Variants in ACP2 observed in about 807,000 individuals in gnomAD.
ACP2 encodes acid phosphatase 2, lysosomal, also known as lysosomal acid phosphatase.
ACP2 carries 35 observed loss-of-function variants against 54.7 expected under a neutral mutation model. That is an observed-to-expected ratio of 0.64 (90% CI 0.49 to 0.85). The LOEUF (loss-of-function observed/expected upper bound fraction) is 0.85. Ranked by LOEUF, ACP2 falls within the 40% of genes least tolerant of loss-of-function variation. The pLI is 0.00. For synonymous variants in ACP2, 210 were observed against 224.4 expected, an observed-to-expected ratio of 0.94 and a Z score of 0.57; for missense variants, 492 against 565.0, an observed-to-expected ratio of 0.87 and a Z score of 1.31.
At chr11:47,246,859 C>A (rs556421861) in intron 3 of ACP2, among the ~76,000 whole-genome samples, 8 of 151,892 alleles carry the variant, frequency 5.3e-5, no homozygotes, top group Non-Finnish European at 7.4e-5. Flanking sequence ...CTGAGCAACA[C>A]AGCAAGACTC....
intron 3 of ACP2, among the ~76,000 whole-genome samples, chr11:47,247,118 A>G (rs1954153137): frequency 6.6e-6 from 1 of 152,148 alleles, no homozygotes; most frequent in Non-Finnish European, 1.5e-5. Context: ...GATGTGCCCT[A>G]GGAATATAGC....
rs751573655 is a variant in ACP2, at chr11:47,240,065, G to C, written c.*51C>G. 6.4e-7 allele frequency: 1 copy of C among 1,573,524 alleles called. No individual in the cohort carries two copies. ...GGGGAGCAGCAACAGTCAGGAGCGA[G>C]GGCCCAGCCCACCTCCCCTAGGAGG... On this transcript the variant is annotated 3_prime_UTR_variant, in exon 11 of 11. Coordinates refer to ENST00000672073, the MANE Select transcript of ACP2 (RefSeq NM_001610.4).
chr11:47,244,921 G>C, intron 6 of ACP2, 54 bp from the exon 7 acceptor site: 1 of 1,527,830 alleles, frequency 6.5e-7, no homozygotes. Context: ...GCCTCTCCAG[G>C]GGGCAGCTCT....
chr11:47,244,730 C>A lies in ACP2; in HGVS notation c.772+5G>T. ...GTAGAGTGACACGCTGTCCTTGTCA[C>A]TCACCCCCCTGAAGCCGGGCCTTCT... On this transcript the variant is annotated splice_donor_5th_base_variant and intron_variant, in intron 7 of 10. Transcript: ENST00000672073. 6.3e-7 allele frequency: 1 copy of A among 1,599,080 alleles called. No homozygotes were observed. The highest frequency in any genetic ancestry group is 8.5e-7 in the Non-Finnish European group (1 of 1,170,292).
intron 2 of ACP2, 105 bp downstream of exon 2, chr11:47,247,933 C>G (rs558284880): frequency 3.2e-4 from 341 of 1,066,384 alleles, no homozygotes; most frequent in Admixed American, 9.8e-4. Context: ...AAAGTCAGCA[C>G]CCATATGGGA....
chr11:47,245,859 T>A, intron 3 of ACP2, 25 bp from the exon 4 acceptor site: 1 of 532,944 alleles, frequency 1.9e-6, no homozygotes, highest in South Asian at 2.9e-5. Flanking sequence ...ACACAAGTCG[T>A]GTGTGTGTGT....
At chr11:47,246,296 CTGG>C in intron 3 of ACP2, among the ~76,000 whole-genome samples, 1 of 152,190 alleles carries the variant, frequency 6.6e-6, no homozygotes, top group Non-Finnish European at 1.5e-5. Flanking sequence ...AGATAAAGGG[CTGG>C]GCCTGGTGGC....
chr11:47,248,427 C>T, intron 1 of ACP2: 1 of 1,537,386 alleles, frequency 6.5e-7, no homozygotes, highest in Non-Finnish European at 8.7e-7. Flanking sequence ...TAACCAAAGG[C>T]TTCTTTAGGG....
chr11:47,246,821 A>C (rs1186373500), intron 3 of ACP2, among the ~76,000 whole-genome samples: 1 of 152,126 alleles, frequency 6.6e-6, no homozygotes, highest in African/African-American at 2.4e-5. Flanking sequence ...GGTTGCAGTG[A>C]GCCAAGACCA....
intron 7 of ACP2, 146 bp from the exon 8 acceptor site, chr11:47,243,467 A>C: frequency 1.6e-6 from 1 of 629,336 alleles, no homozygotes; most frequent in Non-Finnish European, 2.8e-6. Context: ...CCATGTAAGA[A>C]CTCTGTGGCA....
At chr11:47,242,029 G>A (rs960612927) in intron 10 of ACP2, among the ~76,000 whole-genome samples, 94 of 152,308 alleles carry the variant, frequency 6.2e-4, no homozygotes, top group Non-Finnish European at 5.9e-4. Context: ...AAGCTCCAGG[G>A]ATGAGTCCTG....
Position 47,245,460 on chromosome 11 carries a change from C to T in ACP2, c.549+14G>A, listed in dbSNP as rs1304293535. 2 of 1,614,260 alleles carry T rather than the reference C, an allele frequency of 1.2e-6. No homozygotes were observed. The highest frequency in any genetic ancestry group is 1.1e-5 in the South Asian group (1 of 91,088). On this transcript the variant is annotated intron_variant, in intron 5 of 10. Transcript: ENST00000672073. ...AAAGACAGCGTGGTGAGCTGCACCT[C>T]TGCCCCCACTCACTGCATTCCGAGA...
In ACP2 at chr11:47,245,754, C is replaced by A. The variant is rs1448960454; in HGVS notation, c.378G>T (p.Gly126=). 2 of 1,613,374 alleles carry A rather than the reference C, an allele frequency of 1.2e-6. No homozygotes were observed. The highest frequency in any genetic ancestry group is 4.5e-5 in the East Asian group (2 of 44,882). The change falls in exon 4 of 11, where the codon GGG becomes GGT. Residue 126 remains glycine (G), a synonymous_variant. Transcript: ENST00000672073. ...AGATGTTCGGGTTGAAGCGCTGCAT[C>A]CCGTTGGGAGGGAAGAGTCCAGCCA... is the stretch of plus-strand genomic sequence containing the variant. ...ANLAGLFPPN[G]MQRFNPNISW...
At chr11:47,246,531 G>C (rs963056218) in intron 3 of ACP2, among the ~76,000 whole-genome samples, 1 of 151,990 alleles carries the variant, frequency 6.6e-6, no homozygotes, top group African/African-American at 2.4e-5. Context: ...AGCTATGACT[G>C]AGGCATGTGC....
At chr11:47,244,605 A>T (rs1181365649) in intron 7 of ACP2, 130 bp downstream of exon 7, 3 of 611,040 alleles carry the variant, frequency 4.9e-6, no homozygotes, top group Non-Finnish European at 7.9e-6. Context: ...CGGCATGAGG[A>T]GGGGGATTTG....
Position 47,243,337 on chromosome 11 carries a change from C to T in ACP2, c.773-16G>A, listed in dbSNP as rs202217185. ...AGCAGGACTCCTGAAGGAGAAAAGT[C>T]CCCGGTGTTGCTGGCTACAGCCACC... On this transcript the variant is annotated splice_polypyrimidine_tract_variant and intron_variant, in intron 7 of 10. Coordinates refer to ENST00000672073, the MANE Select transcript of ACP2 (RefSeq NM_001610.4). 398 of 1,612,070 alleles carry T rather than the reference C, an allele frequency of 2.5e-4. 1 individual carries two copies. The highest frequency in any genetic ancestry group is 3.2e-4 in the Admixed American group (19 of 59,968).
intron 2 of ACP2, 89 bp downstream of exon 2, chr11:47,247,949 C>T (rs1954263157): frequency 8.5e-7 from 1 of 1,181,396 alleles, no homozygotes; most frequent in Non-Finnish European, 1.2e-6. Context: ...TGGGAAAAGG[C>T]AGTTTAGTAG....
At chr11:47,247,752 A>G in intron 2 of ACP2, 25 bp from the exon 3 acceptor site, 1 of 1,607,344 alleles carries the variant, frequency 6.2e-7, no homozygotes, top group Non-Finnish European at 8.5e-7. Flanking sequence ...AAGGGTTAAG[A>G]GGGTCTAGAG....
At chr11:47,245,903 C>G in intron 3 of ACP2, 69 bp from the exon 4 acceptor site, 1 of 1,307,698 alleles carries the variant, frequency 7.6e-7, no homozygotes, top group Non-Finnish European at 9.9e-7. Flanking sequence ...GTTTTGGTCA[C>G]CCTGAAGTGG....
Sources: gnomAD v4.1 joint callset for allele counts (sites outside exome capture counted in the v4.1 genomes callset) on GRCh38, gnomAD v4.1.1 for gene constraint, MANE v1.5 for transcripts, NCBI Gene and HGNC (gene_info 2026-07-23, HGNC 2026-07-21) for gene names.